ZC3H4: variants seen among roughly 807,000 people sequenced by gnomAD.
The protein encoded by ZC3H4 is zinc finger CCCH-type containing 4, also known as zinc finger CCCH domain-containing protein 4.
Under a neutral mutation model 108.3 loss-of-function variants are expected in ZC3H4, and 13 were observed. The observed-to-expected ratio is 0.12, with a 90% CI of 0.08 to 0.19. The LOEUF is 0.19. Ranked by LOEUF, ZC3H4 falls within the 10% of genes least tolerant of loss-of-function variation. The probability of loss-of-function intolerance (pLI) is 1.00; values close to 1 mark genes in which losing one functional copy is unlikely to be tolerated. For synonymous variants in ZC3H4, 917 were observed against 749.6 expected, an observed-to-expected ratio of 1.22 and a Z score of -3.65; for missense variants, 1,734 against 1,838.8, an observed-to-expected ratio of 0.94 and a Z score of 1.04.
chr19:47,074,005 G>A (rs1307038146), intron 11 of ZC3H4, among the ~76,000 whole-genome samples: 1 of 152,090 alleles, frequency 6.6e-6, no homozygotes, highest in East Asian at 1.9e-4. Flanking sequence ...AGGTATCTGG[G>A]GACGACTGGG....
rs948442039 is a variant in ZC3H4, at chr19:47,067,523, G to C, written c.2745C>G (p.Ser915=). ...CCGTTGGGGGCGGCCCAGACCCCTT[G>C]GAACTGCTGGGGCCCACAGGGCTGG... ...LHSSPVGPSS[S]KGSGPPPTEE... is the part of the protein sequence containing the mutation. Residue 915 remains serine, a synonymous_variant, in exon 15 of 15, where the codon TCC becomes TCG. Transcript: ENST00000253048. The surrounding 1 kb of genome is among the most constrained non-coding windows in gnomAD (Gnocchi z 6.4). The C allele has an allele frequency of 6.3e-7, 1 of 1,595,178 alleles. No homozygotes were observed. Among genetic ancestry groups the C allele is most frequent in the East Asian group, 2.2e-5 (1 of 44,694 alleles).
chr19:47,103,958 A>C (rs1278533841), intron 2 of ZC3H4, among the ~76,000 whole-genome samples: 4 of 151,688 alleles, frequency 2.6e-5, no homozygotes, highest in African/African-American at 9.7e-5. Context: ...AATATGTAAA[A>C]ATAAAAATAA....
chr19:47,112,532 G>A lies in ZC3H4; in HGVS notation c.53C>T (p.Pro18Leu). Residue 18 changes from proline (P) to leucine (L), a missense_variant, in exon 2 of 15, where the codon CCG (proline) becomes CTG (leucine). Pro to Leu is a moderately conservative substitution (Grantham distance 98). Transcript: ENST00000253048. ...PPPPPSESPP[P>L]PSPPPPSTPS... ...CGTTGATGGCGGCGGCGGCGATGGCGGCGGCGGCGACTCTGATGGCGGCGG... is the reference window on the plus strand; with the variant it reads ...CGTTGATGGCGGCGGCGGCGATGGCAGCGGCGGCGACTCTGATGGCGGCGG... 4.7e-6 allele frequency: 5 copies of A among 1,070,472 alleles called. No homozygotes were observed. The highest frequency in any genetic ancestry group is 6.0e-6 in the Non-Finnish European group (5 of 833,362). The allele number at this position is 1,070,472 out of a possible 1,614,324, so 66.3% of individuals were successfully genotyped here.
At chr19:47,094,963 A>C (rs1395412943) in intron 2 of ZC3H4, among the ~76,000 whole-genome samples, 1 of 152,198 alleles carries the variant, frequency 6.6e-6, no homozygotes, top group Non-Finnish European at 1.5e-5. Context: ...GGGATTCATA[A>C]TGCTTAACGC....
intron 4 of ZC3H4, among the ~76,000 whole-genome samples, chr19:47,091,234 T>G (rs1468083534): frequency 6.6e-6 from 1 of 151,796 alleles, no homozygotes; most frequent in Non-Finnish European, 1.5e-5. Flanking sequence ...ACTGCACCAC[T>G]GCACTCCAAC....
Position 47,072,826 on chromosome 19 carries a change from A to C in ZC3H4, c.1441-113T>G. 7.9e-7 allele frequency: 1 copy of C among 1,263,478 alleles called. No individual in the cohort carries two copies. The highest frequency in any genetic ancestry group is 1.1e-6 in the Non-Finnish European group (1 of 918,952). 78.3% of individuals were successfully genotyped at this position (1,263,478 alleles called of 1,614,324 possible). ...AAAAGTCCATAATACAAGGACCTTG[A>C]GATCTAAAGGCATAAAGACCACAAT... On this transcript the variant is annotated intron_variant, in intron 11 of 14. Coordinates refer to ENST00000253048, the MANE Select transcript of ZC3H4 (RefSeq NM_015168.2). This position sits in a 1 kb window ranked among gnomAD's most constrained non-coding sequence, Gnocchi z 5.6.
chr19:47,078,935 G>T (rs2057470405), intron 11 of ZC3H4, among the ~76,000 whole-genome samples: 1 of 151,888 alleles, frequency 6.6e-6, no homozygotes, highest in African/African-American at 2.4e-5. Flanking sequence ...GCTGAGGCAG[G>T]AGAATCGCTT....
rs751592238 is a variant in ZC3H4, at chr19:47,085,180, C to T, written c.983G>A (p.Arg328His). The change falls in exon 8 of 15, where the codon CGT becomes CAT. Residue 328 changes from arginine (R) to histidine (H), a missense_variant. Arg to His is a conservative substitution (Grantham distance 29). This residue lies in a region of ZC3H4 where 403 missense variants were observed against 457.0 expected (regional missense o/e 0.88). Coordinates refer to ENST00000253048, the MANE Select transcript of ZC3H4 (RefSeq NM_015168.2). ...DSRGRGLSRGRGRGSRGRGKG... is the reference protein window; with the variant it reads ...DSRGRGLSRGHGRGSRGRGKG... Reference sequence around the variant, plus strand: ...CCCTCGACCTCGGGAGCCCCTGCCACGGCCTCGACTTAGCCCTGTGGAGGG... The same window carrying T: ...CCCTCGACCTCGGGAGCCCCTGCCATGGCCTCGACTTAGCCCTGTGGAGGG... 9 of 1,613,462 alleles carry T rather than the reference C, an allele frequency of 5.6e-6. No homozygotes were observed. In the Admixed American group the frequency reaches 6.7e-5, roughly 12 times the overall value.
Position 47,066,428 on chromosome 19 carries a change from A to C in ZC3H4, c.3840T>G (p.Gly1280=), listed in dbSNP as rs777877785. The part of the protein sequence containing the change: ...PFAGNSPARE[G]EQDAASLKDV... Reference sequence around the variant, plus strand: ...CCTTCAGGGATGCCGCATCCTGCTCACCCTCGCGGGCCGGACTGTTCCCAG... The same window carrying C: ...CCTTCAGGGATGCCGCATCCTGCTCCCCCTCGCGGGCCGGACTGTTCCCAG... Residue 1280 remains glycine, a synonymous_variant, in exon 15 of 15, where the codon GGT becomes GGG. Transcript: ENST00000253048. The C allele has an allele frequency of 2.2e-5, 34 of 1,569,022 alleles. No individual in the cohort carries two copies. The South Asian group carries it at 3.5e-4, about 16-fold the overall frequency.
At chr19:47,085,692 G>C (rs938160818) in intron 6 of ZC3H4, among the ~76,000 whole-genome samples, 1 of 152,276 alleles carries the variant, frequency 6.6e-6, no homozygotes, top group East Asian at 1.9e-4. Context: ...GTGGACTGGC[G>C]TGGAAGGTCT....
intron 2 of ZC3H4, among the ~76,000 whole-genome samples, chr19:47,098,034 C>T (rs117976926): frequency 0.011 from 1,736 of 152,318 alleles, 17 homozygotes; most frequent in Non-Finnish European, 0.016. Flanking sequence ...CCCGTACCTC[C>T]CGGACAAAGC....
intron 11 of ZC3H4, among the ~76,000 whole-genome samples, chr19:47,076,323 G>GTGCA (rs1555779433): frequency 4.1e-5 from 3 of 73,964 alleles, no homozygotes; most frequent in South Asian, 3.2e-4. Context: ...GTGCGCGCGC[G>GTGCA]CGCACACACA....
Position 47,066,450 on chromosome 19 carries a change from C to T in ZC3H4, c.3818G>A (p.Gly1273Glu), listed in dbSNP as rs1438848100. 1.9e-6 allele frequency: 3 copies of T among 1,580,088 alleles called. No individual in the cohort carries two copies. The highest frequency in any genetic ancestry group is 1.7e-6 in the Non-Finnish European group (2 of 1,163,988). ...PKTGSGSPFA[G>E]NSPAREGEQD... ...CTCACCCTCGCGGGCCGGACTGTTC[C>T]CAGCAAATGGGCTTCCTGAGCCCGT... The change falls in exon 15 of 15, where the codon GGG (glycine) becomes GAG (glutamate). Residue 1273 changes from glycine (G) to glutamate (E), a missense_variant. Around this residue, in one of 9 missense-constraint regions of ZC3H4, gnomAD observed 518 missense variants for 499.6 expected, o/e 1.04. Coordinates refer to ENST00000253048, the MANE Select transcript of ZC3H4 (RefSeq NM_015168.2).
chr19:47,071,444 T>C (rs1385928559), intron 13 of ZC3H4, among the ~76,000 whole-genome samples: 1 of 152,150 alleles, frequency 6.6e-6, no homozygotes, highest in African/African-American at 2.4e-5. Flanking sequence ...GAGATGGTTT[T>C]GGCCAGGCCA....
rs377350659 is a variant in ZC3H4, at chr19:47,086,443, C to T, written c.811G>A (p.Gly271Ser). ...TCCGGGTGGTCTCCTCCCATAGAGC[C>T]TCTGCCCCTGCCTCGGCTGCCCCTG... ...MGRGSRGRGR[G>S]SMGGDHPEDE... Residue 271 changes from glycine to serine, a missense_variant, in exon 6 of 15, where the codon GGC becomes AGC. By Grantham distance (56) the Gly-to-Ser change is moderately conservative (BLOSUM62 0). Around this residue, in one of 9 missense-constraint regions of ZC3H4, gnomAD observed 403 missense variants for 457.0 expected, o/e 0.88. Coordinates refer to ENST00000253048, the MANE Select transcript of ZC3H4 (RefSeq NM_015168.2). 3.1e-6 allele frequency: 5 copies of T among 1,613,122 alleles called. No individual in the cohort carries two copies. The African/African-American group carries it at 6.7e-5, about 22-fold the overall frequency.
chr19:47,109,809 T>C (rs1334504520), intron 2 of ZC3H4, among the ~76,000 whole-genome samples: 2 of 152,136 alleles, frequency 1.3e-5, no homozygotes, highest in Non-Finnish European at 2.9e-5. Context: ...ATGTCAGGGA[T>C]CAAAAGTGGG....
At chr19:47,093,056 A>T (rs893317094) in intron 4 of ZC3H4, among the ~76,000 whole-genome samples, 1 of 151,624 alleles carries the variant, frequency 6.6e-6, no homozygotes, top group Non-Finnish European at 1.5e-5. Flanking sequence ...CTCTACTAAA[A>T]ACACAAAAAC....
At chr19:47,089,468 C>T (rs1052653736) in intron 5 of ZC3H4, among the ~76,000 whole-genome samples, 26 of 152,130 alleles carry the variant, frequency 1.7e-4, no homozygotes, top group African/African-American at 6.0e-4. Flanking sequence ...TGGGCCACTG[C>T]GCCGGCAGAG....
At position 47,072,209 on chromosome 19, in the gene ZC3H4, G is replaced by C; in HGVS notation, c.1803-88C>G. Reference sequence around the variant, plus strand: ...AGGAGAGGCGGAGGGCTGCAGAGCCGAAGGTCATGGGCCCCAGACCAGGAC... The same window carrying C: ...AGGAGAGGCGGAGGGCTGCAGAGCCCAAGGTCATGGGCCCCAGACCAGGAC... On this transcript the variant is annotated intron_variant, in intron 12 of 14. Coordinates refer to ENST00000253048, the MANE Select transcript of ZC3H4 (RefSeq NM_015168.2). This position sits in a 1 kb window ranked among gnomAD's most constrained non-coding sequence, Gnocchi z 5.6. 1 of 1,402,552 alleles carries C rather than the reference G, an allele frequency of 7.1e-7. No homozygotes were observed. The highest frequency in any genetic ancestry group is 9.6e-7 in the Non-Finnish European group (1 of 1,046,678). 86.9% of individuals were successfully genotyped at this position (1,402,552 alleles called of 1,614,324 possible).
Sources: allele counts gnomAD v4.1 joint callset (sites outside exome capture counted in the v4.1 genomes callset), GRCh38; gene constraint gnomAD v4.1.1; regional missense constraint gnomAD v4.1.1; non-coding constraint Gnocchi (gnomAD v3.1); transcripts MANE v1.5; gene names NCBI Gene and HGNC (gene_info 2026-07-23, HGNC 2026-07-21).